TYRP1: variants seen among roughly 807,000 people sequenced by gnomAD.
TYRP1 encodes the protein tyrosinase related protein 1.
TYRP1 carries 49 observed loss-of-function variants against 42.8 expected under a neutral mutation model. The observed-to-expected ratio is 1.14, with a 90% CI of 0.91 to 1.45. TYRP1 has a LOEUF of 1.45. TYRP1 is among the 40% of genes most tolerant of loss of function. The pLI, the probability that TYRP1 is intolerant of heterozygous loss-of-function variation, is 0.00. For missense variants in TYRP1, 848 were observed against 662.0 expected (o/e 1.28, Z -3.08); for synonymous variants, 279 against 235.4 (o/e 1.19, Z -1.69).
intron 3 of TYRP1, among the ~76,000 whole-genome samples, chr9:12,697,158 C>G (rs982207853): frequency 5.3e-5 from 8 of 152,048 alleles, no homozygotes; most frequent in African/African-American, 1.9e-4. Context: ...GATCTTCATG[C>G]CTTCAAGTCA....
rs886063413 is a variant in TYRP1, at chr9:12,695,656, C to T, written c.527C>T (p.Thr176Met). 33 of 1,614,046 alleles carry T rather than the reference C, an allele frequency of 2.0e-5. No individual in the cohort carries two copies. The highest frequency in any genetic ancestry group is 4.0e-5 in the African/African-American group (3 of 74,914). Residue 176 changes from threonine (T) to methionine (M), a missense_variant, in exon 3 of 8, where the codon ACG becomes ATG. Transcript: ENST00000388918. ...SEEILGPDGN[T>M]PQFENISIYN... The stretch of plus-strand genomic sequence containing the variant: ...GAAATACTGGGGCCAGATGGCAACA[C>T]GCCACAATTTGAGAACATTTCCATT...
Position 12,694,370 on chromosome 9 carries a change from G to A in TYRP1, c.374G>A (p.Arg125Lys), listed in dbSNP as rs138038972. 2.5e-6 allele frequency: 4 copies of A among 1,613,820 alleles called. No homozygotes were observed. In the African/African-American group the frequency reaches 5.3e-5, roughly 22 times the overall value. The change falls in exon 2 of 8, where the codon AGG (arginine) becomes AAG (lysine). Residue 125 changes from arginine (R) to lysine (K), a missense_variant. Physicochemically the swap from Arg to Lys is conservative, Grantham distance 26 (BLOSUM62 2). Coordinates refer to ENST00000388918, the MANE Select transcript of TYRP1 (RefSeq NM_000550.3). Reference sequence around the variant, plus strand: ...TGGAGAGGAGCTGCCTGTGACCAGAGGGTTCTCATAGGTAAGTGGAGATAT... The same window carrying A: ...TGGAGAGGAGCTGCCTGTGACCAGAAGGTTCTCATAGGTAAGTGGAGATAT... ...PGWRGAACDQ[R>K]VLIVRRNLLD... is the part of the protein sequence containing the mutation.
rs894204835 is a variant in TYRP1 at position 12,709,527 on chromosome 9, A to T, written c.*345A>T. Reference sequence around the variant, plus strand: ...TACGTGTAAAGGAAAATAATGTTTGATAGTAAATGTCCACTTAAAATACAT... The same window carrying T: ...TACGTGTAAAGGAAAATAATGTTTGTTAGTAAATGTCCACTTAAAATACAT... On this transcript the variant is annotated 3_prime_UTR_variant, in exon 8 of 8. Transcript: ENST00000388918. The T allele has an allele frequency of 7.9e-6, 2 of 252,418 alleles. No individual in the cohort carries two copies. The highest frequency in any genetic ancestry group is 1.6e-5 in the Non-Finnish European group (2 of 127,712). 15.6% of individuals were successfully genotyped at this position (252,418 alleles called of 1,614,324 possible). A position where few individuals can be genotyped will look rare whatever the true frequency, so the allele number is the denominator to read the frequency against.
At chr9:12,695,004 G>T (rs950464091) in intron 2 of TYRP1, among the ~76,000 whole-genome samples, 8 of 152,184 alleles carry the variant, frequency 5.3e-5, no homozygotes, top group African/African-American at 1.9e-4. Context: ...TAGGCCTTGG[G>T]CTAATTGCTT....
At chr9:12,695,910 C>G in intron 3 of TYRP1, 73 bp downstream of exon 3, 1 of 1,506,098 alleles carries the variant, frequency 6.6e-7, no homozygotes, top group African/African-American at 1.4e-5. Context: ...TTTTAATTCA[C>G]TAGTTTTCAG....
At chr9:12,700,593 G>A (rs1220002449) in intron 4 of TYRP1, 1 of 152,062 alleles carries the variant, frequency 6.6e-6, no homozygotes, top group East Asian at 1.9e-4. Flanking sequence ...TGCAATGGCA[G>A]AGTTTGTCCA....
At position 12,707,887 on chromosome 9, in the gene TYRP1, A is replaced by C; in HGVS notation, c.1262-110A>C. 3 of 1,045,780 alleles carry C rather than the reference A, an allele frequency of 2.9e-6. No homozygotes were observed. In the South Asian group the frequency reaches 5.1e-5, roughly 18 times the overall value. 64.8% of individuals were successfully genotyped at this position (1,045,780 alleles called of 1,614,324 possible). The stretch of plus-strand genomic sequence containing the variant: ...TATCTTTATTCAGTGTAAAATAAGA[A>C]TAAAATTTTTTCAGGTTCTCCTTGA... On this transcript the variant is annotated intron_variant, in intron 6 of 7. Coordinates refer to ENST00000388918, the MANE Select transcript of TYRP1 (RefSeq NM_000550.3).
At chr9:12,705,196 C>G (rs117140885) in intron 6 of TYRP1, among the ~76,000 whole-genome samples, 1 of 152,006 alleles carries the variant, frequency 6.6e-6, no homozygotes, top group Admixed American at 6.6e-5. Flanking sequence ...TTATATCACA[C>G]TATAGGAAAT....
intron 4 of TYRP1, among the ~76,000 whole-genome samples, chr9:12,701,009 T>C (rs1327351241): frequency 6.6e-6 from 1 of 152,072 alleles, no homozygotes; most frequent in Non-Finnish European, 1.5e-5. Context: ...AAAAGGAATA[T>C]GAGTTGAAGT....
intron 1 of TYRP1, among the ~76,000 whole-genome samples, 186 bp downstream of exon 1, chr9:12,693,664 C>T (rs542520431): frequency 2.7e-5 from 4 of 150,004 alleles, no homozygotes; most frequent in African/African-American, 9.8e-5. Flanking sequence ...TAACTGATAT[C>T]TAGTATGTAT....
intron 5 of TYRP1, among the ~76,000 whole-genome samples, chr9:12,703,484 A>G (rs2733831): frequency 0.42 from 64,040 of 151,770 alleles, 17,373 homozygotes; most frequent in Non-Finnish European, 0.61. Flanking sequence ...TGTTTTAAAA[A>G]ATGTACAGAT....
rs138106141 is a variant in TYRP1, at chr9:12,708,013, A to G, written c.1278A>G (p.Pro426=). Residue 426 remains proline (P), a synonymous_variant, in exon 7 of 8, where the codon CCA becomes CCG. Transcript: ENST00000388918. ...RRYNADISTF[P]LENAPIGHNR... Reference sequence around the variant, plus strand: ...ATAATTTAGATATATCCACATTTCCATTGGAAAATGCCCCTATTGGACATA... The same window carrying G: ...ATAATTTAGATATATCCACATTTCCGTTGGAAAATGCCCCTATTGGACATA... 234 of 1,611,960 alleles carry G rather than the reference A, an allele frequency of 1.5e-4. No homozygotes were observed. In the African/African-American group the frequency reaches 2.9e-3, roughly 20 times the overall value.
chr9:12,698,887 T>C (rs528045209), intron 4 of TYRP1, among the ~76,000 whole-genome samples: 1 of 152,218 alleles, frequency 6.6e-6, no homozygotes, highest in African/African-American at 2.4e-5. Context: ...CTTTCTTGAG[T>C]AGTTTGGTCA....
intron 3 of TYRP1, among the ~76,000 whole-genome samples, chr9:12,697,482 C>T (rs921855151): frequency 1.1e-4 from 16 of 152,032 alleles, no homozygotes; most frequent in African/African-American, 3.6e-4. Flanking sequence ...CTGGGGATAA[C>T]TTGGAAAGCT....
Position 12,694,484 on chromosome 9 carries a change from G to C in TYRP1, c.385+103G>C. ...TGGAGGAATACCTGGAAATCATATAGCTCAACCCTCTCTTTTCATAGTTGA... is the reference window on the plus strand; with the variant it reads ...TGGAGGAATACCTGGAAATCATATACCTCAACCCTCTCTTTTCATAGTTGA... On this transcript the variant is annotated intron_variant, in intron 2 of 7. Transcript: ENST00000388918. 3 of 1,394,542 alleles carry C rather than the reference G, an allele frequency of 2.2e-6. No homozygotes were observed. The South Asian group carries it at 3.7e-5, about 17-fold the overall frequency. The allele number at this position is 1,394,542 out of a possible 1,614,324, so 86.4% of individuals were successfully genotyped here. A position where few individuals can be genotyped will look rare whatever the true frequency, so the allele number is the denominator to read the frequency against.
chr9:12,695,835 C>T lies in TYRP1; in HGVS notation c.706C>T (p.Gln236Ter). The change falls in exon 3 of 8, where the codon CAG (glutamine) becomes TAG (stop). Residue 236 changes from glutamine to a stop codon, truncating the protein, a stop_gained and splice_region_variant. Coordinates refer to ENST00000388918, the MANE Select transcript of TYRP1 (RefSeq NM_000550.3). LOFTEE classifies it high-confidence loss of function. ...YHLLRLEKDM[Q>*]EMLQEPSFSL... ...CCTCCTGCGTCTGGAGAAAGACATG[C>T]AGGTATGTAAGAAGCATTTCAGTTT... The T allele has an allele frequency of 6.2e-7, 1 of 1,613,884 alleles. No homozygotes were observed. The highest frequency in any genetic ancestry group is 8.5e-7 in the Non-Finnish European group (1 of 1,179,970).
intron 6 of TYRP1, among the ~76,000 whole-genome samples, chr9:12,707,047 T>C (rs1818269828): frequency 6.6e-6 from 1 of 151,996 alleles, no homozygotes; most frequent in Admixed American, 6.6e-5. Context: ...ATCCAAACTC[T>C]AGTTACTACC....
intron 3 of TYRP1, among the ~76,000 whole-genome samples, 194 bp from the exon 4 acceptor site, chr9:12,698,257 A>T (rs1388572557): frequency 6.6e-6 from 1 of 152,106 alleles, no homozygotes; most frequent in Non-Finnish European, 1.5e-5. Context: ...CCTAAATGAC[A>T]CCTTGTAATA....
intron 4 of TYRP1, among the ~76,000 whole-genome samples, chr9:12,701,340 A>G (rs1818164773): frequency 1.3e-5 from 2 of 151,586 alleles, no homozygotes; most frequent in Middle Eastern, 3.2e-3. Flanking sequence ...TGTTTATTTT[A>G]CAGCTAACAT....
Sources: allele counts gnomAD v4.1 joint callset (sites outside exome capture counted in the v4.1 genomes callset), GRCh38; gene constraint gnomAD v4.1.1; transcripts MANE v1.5; gene names NCBI Gene and HGNC (gene_info 2026-07-23, HGNC 2026-07-21).